Variants in TSNARE1 observed in about 807,000 individuals in gnomAD.
The protein encoded by TSNARE1 is t-SNARE domain-containing protein 1.
A neutral mutation model predicts 62.0 loss-of-function variants in TSNARE1; 49 were observed. The observed-to-expected ratio is 0.79, with a 90% CI of 0.63 to 1.00. The LOEUF is 1.00. TSNARE1 is among the 50% of genes least tolerant of loss of function. The pLI, the probability that TSNARE1 is intolerant of heterozygous loss-of-function variation, is 0.00. For synonymous variants in TSNARE1, 328 were observed against 294.4 expected (o/e 1.11, Z -1.17); for missense variants, 755 against 700.1 (o/e 1.08, Z -0.88).
At chr8:142,278,454 C>T (rs1439126234) in intron 11 of TSNARE1, 2 of 985,470 alleles carry the variant, frequency 2.0e-6, no homozygotes, top group African/African-American at 3.5e-5. Flanking sequence ...CAAAGTCCTT[C>T]CAGCAGCTCC....
At chr8:142,256,055 TCACCACCACCATCACCATCACCACCAC>T (rs1818505289) in intron 12 of TSNARE1, among the ~76,000 whole-genome samples, 1 of 52,612 alleles carries the variant, frequency 1.9e-5, no homozygotes, top group African/African-American at 6.8e-5. Flanking sequence ...ACCGTCACCA[TCACCACCACCATCACCATCACCACCAC>T]CACCACCACT....
chr8:142,349,126 A>C (rs1357897495), intron 2 of TSNARE1, among the ~76,000 whole-genome samples: 1 of 152,228 alleles, frequency 6.6e-6, no homozygotes, highest in Non-Finnish European at 1.5e-5. Context: ...CCCCAGAAGC[A>C]GCCCCAGCGC....
chr8:142,336,810 T>C (rs964413509), intron 4 of TSNARE1, among the ~76,000 whole-genome samples: 3 of 152,178 alleles, frequency 2.0e-5, no homozygotes, highest in Non-Finnish European at 2.9e-5. Flanking sequence ...GCTGAAATCA[T>C]ACAAAATACA....
chr8:142,321,847 C>T (rs1344294190), intron 6 of TSNARE1, among the ~76,000 whole-genome samples: 1 of 152,132 alleles, frequency 6.6e-6, no homozygotes, highest in Admixed American at 6.5e-5. Flanking sequence ...GCACAACAGG[C>T]TTCAATATCA....
At chr8:142,258,973 G>A (rs1038520436) in intron 12 of TSNARE1, among the ~76,000 whole-genome samples, 11 of 152,290 alleles carry the variant, frequency 7.2e-5, no homozygotes, top group Admixed American at 2.0e-4. Context: ...TACTCCCACC[G>A]CCAGCCCAAG....
chr8:142,330,416 G>A (rs748893530), intron 6 of TSNARE1, among the ~76,000 whole-genome samples: 10 of 152,208 alleles, frequency 6.6e-5, no homozygotes, highest in Non-Finnish European at 5.9e-5. Context: ...GTGGGAGCCC[G>A]CCAAGGCTCA....
intron 10 of TSNARE1, 187 bp downstream of exon 10, chr8:142,300,299 G>C (rs899702945): frequency 1.6e-6 from 1 of 609,554 alleles, no homozygotes. Context: ...CCAGACTCCC[G>C]TCTCTCCCTT....
At chr8:142,246,665 T>A (rs13256788) in intron 12 of TSNARE1, among the ~76,000 whole-genome samples, 79,211 of 151,920 alleles carry the variant, frequency 0.52, 21,486 homozygotes, top group African/African-American at 0.65. Context: ...CCCCTCGTCT[T>A]CCCCGTGGAG....
rs141215879 is a variant in TSNARE1 at position 142,362,982 on chromosome 8, G to A, written c.-39-8219C>T. 6.1e-3 allele frequency among the ~76,000 whole-genome samples: 936 copies of A among 152,232 alleles called. 11 individuals carry two copies. The highest frequency in any genetic ancestry group is 0.021 in the African/African-American group (877 of 41,528). On this transcript the variant is annotated intron_variant, in intron 1 of 13. Transcript: ENST00000524325. Reference sequence around the variant, plus strand: ...AAGCCCAACTTCCAAATCCCTGGACGCTCGGGTCCTGGCCCCATCCTAACT... The same window carrying A: ...AAGCCCAACTTCCAAATCCCTGGACACTCGGGTCCTGGCCCCATCCTAACT...
chr8:142,362,382 G>A (rs915040847), intron 1 of TSNARE1, among the ~76,000 whole-genome samples: 7 of 152,164 alleles, frequency 4.6e-5, no homozygotes, highest in Admixed American at 6.5e-5. Context: ...GACATTATCG[G>A]CCTCTTTAGA....
chr8:142,243,642 G>T (rs541565463), intron 12 of TSNARE1, among the ~76,000 whole-genome samples: 6 of 152,256 alleles, frequency 3.9e-5, no homozygotes, highest in African/African-American at 1.4e-4. Context: ...ACGGTACAAG[G>T]TTTCAATCAG....
intron 10 of TSNARE1, 39 bp downstream of exon 10, chr8:142,300,447 A>C: frequency 1.3e-6 from 2 of 1,569,864 alleles, no homozygotes; most frequent in East Asian, 2.3e-5. Context: ...CCTCATGTGG[A>C]GTGTGGAGAG....
chr8:142,382,938 C>T (rs1564007154), intron 1 of TSNARE1, among the ~76,000 whole-genome samples: 1 of 152,152 alleles, frequency 6.6e-6, no homozygotes, highest in East Asian at 1.9e-4. Context: ...GCAGGCTCTT[C>T]ACCACTGTGC....
chr8:142,374,633 T>C (rs1836186545), intron 1 of TSNARE1, among the ~76,000 whole-genome samples: 1 of 150,744 alleles, frequency 6.6e-6, no homozygotes, highest in African/African-American at 2.5e-5. Context: ...TGAGCCAAGA[T>C]TGGGCCACTG....
rs1817005649 is a variant in TSNARE1 at position 142,229,567 on chromosome 8, T to C, written c.1459A>G (p.Lys487Glu). Residue 487 changes from lysine to glutamate, a missense_variant, in exon 13 of 14, where the codon AAG becomes GAG. Transcript: ENST00000524325. ...GCTGATAGGAAGCAGCACTTGATCT[T>C]GTGTCTCTGGAGCTGGGAGAGAGAG... ...GASRHQLQRH[K>E]IKCCFLSAGV... is the part of the protein sequence containing the mutation. 1 of 1,613,724 alleles carries C rather than the reference T, an allele frequency of 6.2e-7. No homozygotes were observed. The highest frequency in any genetic ancestry group is 1.3e-5 in the African/African-American group (1 of 74,896).
intron 1 of TSNARE1, among the ~76,000 whole-genome samples, chr8:142,394,097 G>T (rs1188631901): frequency 5.3e-5 from 8 of 152,240 alleles, no homozygotes; most frequent in Non-Finnish European, 7.3e-5. Context: ...GCTGGGCTGG[G>T]AGGCCCTCCT....
intron 12 of TSNARE1, among the ~76,000 whole-genome samples, chr8:142,239,680 T>C (rs1465861900): frequency 6.6e-6 from 1 of 152,224 alleles, no homozygotes; most frequent in Non-Finnish European, 1.5e-5. Flanking sequence ...AATGGAGTAA[T>C]CAGGAAAACC....
At chr8:142,255,542 T>C (rs866817194) in intron 12 of TSNARE1, among the ~76,000 whole-genome samples, 2 of 29,868 alleles carry the variant, frequency 6.7e-5, no homozygotes, top group African/African-American at 3.3e-4. Flanking sequence ...ACCATCACCA[T>C]CACCACCACC....
At chr8:142,352,363 C>T (rs985465168) in intron 2 of TSNARE1, among the ~76,000 whole-genome samples, 1 of 152,260 alleles carries the variant, frequency 6.6e-6, no homozygotes, top group African/African-American at 2.4e-5. Context: ...CAAGACATCA[C>T]CGTCCGACAC....
Sources: gnomAD v4.1 joint callset for allele counts (sites outside exome capture counted in the v4.1 genomes callset) on GRCh38, gnomAD v4.1.1 for gene constraint, MANE v1.5 for transcripts, NCBI Gene and HGNC (gene_info 2026-07-23, HGNC 2026-07-21) for gene names.